CTNNA3: variants seen among roughly 807,000 people sequenced by gnomAD.
CTNNA3 encodes catenin alpha 3.
A neutral mutation model predicts 95.7 loss-of-function variants in CTNNA3; 76 were observed. The ratio of observed to expected loss-of-function variants is 0.79; its 90% CI spans 0.66 to 0.96. The LOEUF is 0.96. CTNNA3 is among the 40% of genes least tolerant of loss of function. The pLI, the probability that CTNNA3 is intolerant of heterozygous loss-of-function variation, is 0.00. For synonymous variants in CTNNA3, 431 were observed against 374.4 expected (o/e 1.15, Z -1.74); for missense variants, 1,191 against 1,089.8 (o/e 1.09, Z -1.31).
chr10:66,203,374 A>C (rs1379724588), intron 13 of CTNNA3, among the ~76,000 whole-genome samples: 2 of 152,208 alleles, frequency 1.3e-5, no homozygotes, highest in African/African-American at 4.8e-5. Context: ...TATGCTTCAA[A>C]GTATATTACA....
At chr10:66,065,484 GT>G (rs529921180) in intron 15 of CTNNA3, among the ~76,000 whole-genome samples, 4 of 151,976 alleles carry the variant, frequency 2.6e-5, no homozygotes, top group South Asian at 2.1e-4. Context: ...TTTAAATAAG[GT>G]TTTTTTCCAT....
chr10:66,608,420 C>G (rs555781066), intron 10 of CTNNA3, among the ~76,000 whole-genome samples: 78 of 152,196 alleles, frequency 5.1e-4, no homozygotes, highest in African/African-American at 1.9e-3. Context: ...CTACCAATGA[C>G]ACTCTTCACA....
chr10:67,729,679 A>G (rs1302787018), intron 1 of CTNNA3, among the ~76,000 whole-genome samples: 1 of 152,112 alleles, frequency 6.6e-6, no homozygotes, highest in Admixed American at 6.6e-5. Flanking sequence ...TAAAGACCAA[A>G]TTTTGAAGCA....
intron 13 of CTNNA3, among the ~76,000 whole-genome samples, chr10:66,157,490 T>G (rs868689999): frequency 4.4e-5 from 4 of 91,664 alleles, no homozygotes; most frequent in African/African-American, 1.3e-4. Context: ...TAGATAGATA[T>G]GTAGATAGAT....
intron 13 of CTNNA3, among the ~76,000 whole-genome samples, chr10:66,274,024 G>A (rs1311662038): frequency 6.6e-6 from 1 of 152,144 alleles, no homozygotes; most frequent in East Asian, 1.9e-4. Context: ...TAATAAAAAG[G>A]TGAGTGGATT....
chr10:66,691,264 C>T (rs531420238), intron 9 of CTNNA3, among the ~76,000 whole-genome samples: 7 of 152,290 alleles, frequency 4.6e-5, no homozygotes, highest in East Asian at 1.9e-4. Flanking sequence ...CCTAATACTG[C>T]GCTTTTCTGA....
chr10:66,975,790 G>A (rs1478886575), intron 7 of CTNNA3, among the ~76,000 whole-genome samples: 1 of 152,032 alleles, frequency 6.6e-6, no homozygotes, highest in Non-Finnish European at 1.5e-5. Flanking sequence ...CTTTCTGTCT[G>A]TTTTTCTAAG....
At chr10:66,114,640 G>A (rs2082253399) in intron 13 of CTNNA3, among the ~76,000 whole-genome samples, 1 of 151,778 alleles carries the variant, frequency 6.6e-6, no homozygotes, top group South Asian at 2.1e-4. Context: ...CAGCACTTTG[G>A]GAGGCGGAAG....
At chr10:66,571,746 G>A (rs1564540722) in intron 10 of CTNNA3, among the ~76,000 whole-genome samples, 1 of 151,970 alleles carries the variant, frequency 6.6e-6, no homozygotes, top group Non-Finnish European at 1.5e-5. Context: ...ACCCCATAGC[G>A]ACCTTGTTAA....
chr10:66,034,159 G>A lies in CTNNA3; in HGVS notation c.2159+35149C>T, dbSNP rs1456557023. Among the ~76,000 whole-genome samples the A allele has an allele frequency of 2.0e-5, 3 of 151,330 alleles. No individual in the cohort carries two copies. In the Admixed American group the frequency reaches 2.0e-4, roughly 10 times the overall value. ...TAGATATTTGAATTAGATAGTGTGAGTGAACGTGAATTGAAAGTACTCATA... is the reference window on the plus strand; with the variant it reads ...TAGATATTTGAATTAGATAGTGTGAATGAACGTGAATTGAAAGTACTCATA... On this transcript the variant is annotated intron_variant, in intron 15 of 17. Coordinates refer to ENST00000433211, the MANE Select transcript of CTNNA3 (RefSeq NM_013266.4).
intron 1 of CTNNA3, among the ~76,000 whole-genome samples, chr10:67,741,957 T>C (rs1272570282): frequency 6.6e-6 from 1 of 151,336 alleles, no homozygotes; most frequent in African/African-American, 2.4e-5. Flanking sequence ...AAGAACTAAC[T>C]ATCCCAAATA....
At chr10:66,627,782 T>G (rs1020628845) in intron 9 of CTNNA3, among the ~76,000 whole-genome samples, 2 of 152,168 alleles carry the variant, frequency 1.3e-5, no homozygotes, top group Admixed American at 6.5e-5. Flanking sequence ...GACGATCTAA[T>G]TCTTCAATGT....
In CTNNA3 at chr10:66,621,714, T is replaced by G; in HGVS notation, c.1352A>C (p.His451Pro). The change falls in exon 10 of 18, where the codon CAT becomes CCT. Residue 451 changes from histidine (H) to proline (P), a missense_variant. Coordinates refer to ENST00000433211, the MANE Select transcript of CTNNA3 (RefSeq NM_013266.4). ...TACCTGTGGACACAAGGTTTCCAAA[T>G]GATTGGCTGCAATTTTGACAATTTT... ...GIKIVKIAANHLETLCPQIIN... is the reference protein window; with the variant it reads ...GIKIVKIAANPLETLCPQIIN... The G allele has an allele frequency of 5.0e-6, 8 of 1,610,662 alleles. No homozygotes were observed. The South Asian group carries it at 7.7e-5, about 16-fold the overall frequency.
At chr10:66,748,130 G>A (rs1195511958) in intron 9 of CTNNA3, among the ~76,000 whole-genome samples, 1 of 152,104 alleles carries the variant, frequency 6.6e-6, no homozygotes, top group Non-Finnish European at 1.5e-5. Context: ...CTATACGAGG[G>A]AATCTAACTG....
chr10:67,222,845 A>G (rs964561071), intron 5 of CTNNA3, among the ~76,000 whole-genome samples: 1 of 152,212 alleles, frequency 6.6e-6, no homozygotes, highest in Non-Finnish European at 1.5e-5. Context: ...TTTGTTTCTG[A>G]AAGGTGAAAA....
chr10:67,519,523 A>G (rs1411755292), intron 5 of CTNNA3, among the ~76,000 whole-genome samples: 1 of 152,152 alleles, frequency 6.6e-6, no homozygotes, highest in East Asian at 1.9e-4. Context: ...ATTGATTTTA[A>G]TTGCCTATAA....
chr10:67,675,773 C>T (rs1233563997), intron 1 of CTNNA3, among the ~76,000 whole-genome samples: 1 of 152,106 alleles, frequency 6.6e-6, no homozygotes, highest in African/African-American at 2.4e-5. Context: ...CAATGCAATC[C>T]ACTTTATATG....
At chr10:67,481,163 C>A (rs538792177) in intron 5 of CTNNA3, among the ~76,000 whole-genome samples, 11 of 152,188 alleles carry the variant, frequency 7.2e-5, no homozygotes, top group Admixed American at 6.5e-4. Flanking sequence ...AAACCCATAG[C>A]CAACATCATA....
intron 17 of CTNNA3, among the ~76,000 whole-genome samples, chr10:65,936,500 T>C (rs1334996540): frequency 6.6e-6 from 1 of 152,094 alleles, no homozygotes; most frequent in African/African-American, 2.4e-5. Flanking sequence ...GGACAGTGTC[T>C]ACAACTCCAA....
Sources: allele counts gnomAD v4.1 joint callset (sites outside exome capture counted in the v4.1 genomes callset), GRCh38; gene constraint gnomAD v4.1.1; transcripts MANE v1.5; gene names NCBI Gene and HGNC (gene_info 2026-07-23, HGNC 2026-07-21).